The following CPEB3 variants were observed in gnomAD, a reference collection of about 807,000 sequenced individuals.
CPEB3 encodes cytoplasmic polyadenylation element-binding protein 3.
A neutral mutation model predicts 67.2 loss-of-function variants in CPEB3; 20 were observed. The ratio of observed to expected loss-of-function variants is 0.30; its 90% confidence interval spans 0.21 to 0.43. The LOEUF (loss-of-function observed/expected upper bound fraction) is 0.43. Among genes scored for constraint, CPEB3 ranks in the 20% least tolerant of loss-of-function variants. The pLI is 1.00. For synonymous variants in CPEB3, 376 were observed against 393.1 expected, an observed-to-expected ratio of 0.96 and a Z score of 0.51; for missense variants, 746 against 968.6, an observed-to-expected ratio of 0.77 and a Z score of 3.05.
intron 6 of CPEB3, among the ~76,000 whole-genome samples, chr10:92,121,903 A>G (rs1393291756): frequency 1.3e-5 from 2 of 152,160 alleles, no homozygotes; most frequent in African/African-American, 4.8e-5. Context: ...CTGAGTTCAG[A>G]CTTTTTTTGG....
At chr10:92,200,378 C>A (rs954607862) in intron 2 of CPEB3, among the ~76,000 whole-genome samples, 1 of 151,850 alleles carries the variant, frequency 6.6e-6, no homozygotes, top group Admixed American at 6.6e-5. Flanking sequence ...AACCCTGTCT[C>A]TACTAAGAAA....
intron 9 of CPEB3, among the ~76,000 whole-genome samples, chr10:92,056,001 C>T (rs1408628907): frequency 6.6e-6 from 1 of 152,124 alleles, no homozygotes; most frequent in Admixed American, 6.5e-5. Flanking sequence ...CTGGGTGACA[C>T]AGTGAGACCC....
At chr10:92,112,298 C>T (rs549340347) in intron 6 of CPEB3, among the ~76,000 whole-genome samples, 1 of 152,074 alleles carries the variant, frequency 6.6e-6, no homozygotes, top group East Asian at 1.9e-4. Context: ...GCGCCCGCCA[C>T]CACATCCGTC....
At chr10:92,145,361 G>A (rs1446639469) in intron 4 of CPEB3, among the ~76,000 whole-genome samples, 1 of 152,184 alleles carries the variant, frequency 6.6e-6, no homozygotes, top group African/African-American at 2.4e-5. Context: ...GGGCATGGAG[G>A]CTCATGCCTG....
Position 92,208,899 on chromosome 10 carries a change from C to CT in CPEB3, c.1006-16264dup, listed in dbSNP as rs551416976. Among the ~76,000 whole-genome samples, 24 of 152,092 alleles carry CT rather than the reference C, an allele frequency of 1.6e-4. No individual in the cohort carries two copies. The East Asian group carries it at 3.9e-3, about 25-fold the overall frequency. On this transcript the variant is annotated intron_variant, in intron 2 of 9. Coordinates refer to ENST00000265997, the MANE Select transcript of CPEB3 (RefSeq NM_014912.5). ...GCAGGAGCCACTGCCAGCCTGAGAG[C>CT]TTTTTTTGACTCCTCCTTTGTTTGT...
intron 6 of CPEB3, among the ~76,000 whole-genome samples, chr10:92,128,041 C>T (rs1265305779): frequency 2.6e-5 from 4 of 152,160 alleles, no homozygotes; most frequent in Non-Finnish European, 5.9e-5. Context: ...TCCAAATTAG[C>T]TAAAACTTCA....
At chr10:92,195,046 A>ACACACACACACAC (rs1564855307) in intron 2 of CPEB3, among the ~76,000 whole-genome samples, 7 of 117,066 alleles carry the variant, frequency 6.0e-5, no homozygotes, top group African/African-American at 1.1e-4. Context: ...TGTCTCAAAA[A>ACACACACACACAC]ACACACACAC....
chr10:92,212,655 G>A (rs2134354338), intron 2 of CPEB3, among the ~76,000 whole-genome samples: 1 of 152,246 alleles, frequency 6.6e-6, no homozygotes, highest in Admixed American at 6.5e-5. Context: ...TATTTGTAAA[G>A]TACCCACCGG....
chr10:92,162,771 G>C (rs1296045621), intron 4 of CPEB3, among the ~76,000 whole-genome samples: 1 of 152,122 alleles, frequency 6.6e-6, no homozygotes, highest in Non-Finnish European at 1.5e-5. Context: ...GACTTGGCCT[G>C]CACTAAGTTT....
intron 6 of CPEB3, among the ~76,000 whole-genome samples, chr10:92,128,876 G>A (rs1272254876): frequency 1.3e-5 from 2 of 152,262 alleles, no homozygotes; most frequent in African/African-American, 4.8e-5. Flanking sequence ...AAAAAGGAAC[G>A]CTTATACACT....
intron 6 of CPEB3, among the ~76,000 whole-genome samples, chr10:92,134,394 G>A (rs1167694764): frequency 6.6e-6 from 1 of 151,794 alleles, no homozygotes; most frequent in Admixed American, 6.6e-5. Flanking sequence ...GCCAAATCAT[G>A]AGTGAACTCC....
At chr10:92,162,672 A>G (rs1174771979) in intron 4 of CPEB3, among the ~76,000 whole-genome samples, 1 of 152,188 alleles carries the variant, frequency 6.6e-6, no homozygotes, top group African/African-American at 2.4e-5. Context: ...AGTGACAAGT[A>G]CACTGTCAAC....
chr10:92,181,959 T>C (rs1167539531), intron 3 of CPEB3, among the ~76,000 whole-genome samples: 2 of 151,586 alleles, frequency 1.3e-5, no homozygotes, highest in Non-Finnish European at 2.9e-5. Flanking sequence ...GACAAGGAGG[T>C]AGATGTACCA....
chr10:92,064,217 A>G (rs1252636929), intron 9 of CPEB3, among the ~76,000 whole-genome samples: 4 of 152,154 alleles, frequency 2.6e-5, no homozygotes, highest in Non-Finnish European at 4.4e-5. Context: ...TTGCCATACT[A>G]TATCAGAGGA....
intron 9 of CPEB3, among the ~76,000 whole-genome samples, chr10:92,060,535 A>G (rs533020418): frequency 6.6e-6 from 1 of 152,310 alleles, no homozygotes; most frequent in South Asian, 2.1e-4. Flanking sequence ...CATCAAGTTA[A>G]AAAACTTCTG....
intron 1 of CPEB3, 131 bp downstream of exon 1, chr10:92,290,795 A>G (rs1270044496): frequency 6.6e-6 from 1 of 152,356 alleles, no homozygotes; most frequent in Non-Finnish European, 1.5e-5. Flanking sequence ...GCCGCCACTG[A>G]CCGCCCCGAC....
At chr10:92,222,216 T>A (rs1416727192) in intron 2 of CPEB3, among the ~76,000 whole-genome samples, 2 of 151,748 alleles carry the variant, frequency 1.3e-5, no homozygotes, top group Non-Finnish European at 2.9e-5. Flanking sequence ...TTTTAATTTT[T>A]CATAGAGATG....
chr10:92,111,113 T>C lies in CPEB3; in HGVS notation c.1535A>G (p.Tyr512Cys). 1 of 1,614,022 alleles carries C rather than the reference T, an allele frequency of 6.2e-7. No homozygotes were observed. The highest frequency in any genetic ancestry group is 8.5e-7 in the Non-Finnish European group (1 of 1,179,948). ...DACLEEDGKL[Y>C]LCVSSPTIKD... is the part of the protein sequence containing the mutation. ...GATGGTGGGGCTTGACACACACAGG[T>C]AGAGTTTCCCATCTTCTTCTAGGCA... The change falls in exon 7 of 10, where the codon TAC becomes TGC. Residue 512 changes from tyrosine to cysteine, a missense_variant. Physicochemically the swap from Tyr to Cys is radical, Grantham distance 194. Transcript: ENST00000265997.
chr10:92,233,971 G>T (rs1851399893), intron 2 of CPEB3, among the ~76,000 whole-genome samples: 1 of 152,036 alleles, frequency 6.6e-6, no homozygotes, highest in African/African-American at 2.4e-5. Context: ...GCCAGGCATG[G>T]TGGCACGTGC....
Sources: gnomAD v4.1 joint callset for allele counts (sites outside exome capture counted in the v4.1 genomes callset) on GRCh38, gnomAD v4.1.1 for gene constraint, MANE v1.5 for transcripts, NCBI Gene and HGNC (gene_info 2026-07-23, HGNC 2026-07-21) for gene names.